The following CWF19L2 variants were observed in gnomAD, a reference collection of about 807,000 sequenced individuals.
The protein encoded by CWF19L2 is CWF19 like cell cycle control factor 2.
Under a neutral mutation model 111.7 loss-of-function variants are expected in CWF19L2, and 98 were observed. The observed-to-expected ratio is 0.88, with a 90% CI of 0.75 to 1.04. CWF19L2 has a LOEUF of 1.04. Among genes scored for constraint, CWF19L2 ranks in the 50% least tolerant of loss-of-function variants. The probability of loss-of-function intolerance (pLI) is 0.00; values close to 1 mark genes in which losing one functional copy is unlikely to be tolerated. For synonymous variants in CWF19L2, 351 were observed against 342.9 expected (o/e 1.02, Z -0.26); for missense variants, 1,101 against 1,051.4 (o/e 1.05, Z -0.65).
chr11:107,386,478 A>C (rs1860768359), intron 12 of CWF19L2, among the ~76,000 whole-genome samples: 1 of 152,174 alleles, frequency 6.6e-6, no homozygotes, highest in Non-Finnish European at 1.5e-5. Context: ...TTATTGGACC[A>C]AGAAAAACCC....
At chr11:107,334,424 T>C (rs1329861760) in intron 16 of CWF19L2, among the ~76,000 whole-genome samples, 1 of 152,230 alleles carries the variant, frequency 6.6e-6, no homozygotes, top group African/African-American at 2.4e-5. Context: ...ACTACTATTT[T>C]ATAGTTTTAT....
Position 107,407,872 on chromosome 11 carries a change from T to C in CWF19L2, c.1617+8337A>G, listed in dbSNP as rs117322030. ...AATTTTTTAACTACCCCAGAAAGCA[T>C]TGAGAATTAAATACATCCTATAGTC... On this transcript the variant is annotated intron_variant, in intron 10 of 17. Coordinates refer to ENST00000282251, the MANE Select transcript of CWF19L2 (RefSeq NM_152434.3). 8.1e-4 allele frequency among the ~76,000 whole-genome samples: 123 copies of C among 152,144 alleles called. 3 individuals are homozygous for C. In the East Asian group the frequency reaches 0.012, roughly 14 times the overall value.
rs557530926 is a variant in CWF19L2 at position 107,403,966 on chromosome 11, G to A, written c.1618-11071C>T. 1.1e-4 allele frequency: 99 copies of A among 882,944 alleles called. 1 individual carries two copies. In the Middle Eastern group the frequency reaches 1.6e-3, roughly 15 times the overall value. 54.7% of individuals were successfully genotyped at this position (882,944 alleles called of 1,614,324 possible). A position where few individuals can be genotyped will look rare whatever the true frequency, so the allele number is the denominator to read the frequency against. On this transcript the variant is annotated intron_variant, in intron 10 of 17. Transcript: ENST00000282251. The stretch of plus-strand genomic sequence containing the variant: ...TAAGGACCTGCATTCTAGCTGTTGC[G>A]ACAACTGACCGAACGTCTGGCACCA...
At chr11:107,373,205 C>A (rs111987027) in intron 12 of CWF19L2, among the ~76,000 whole-genome samples, 38,487 of 127,574 alleles carry the variant, frequency 0.3, 10,281 homozygotes, top group Non-Finnish European at 0.36. Context: ...GGGGCGCCTG[C>A]CATTGCCCAG....
intron 11 of CWF19L2, among the ~76,000 whole-genome samples, chr11:107,392,016 A>T (rs477991): frequency 0.56 from 84,463 of 152,000 alleles, 25,058 homozygotes; most frequent in African/African-American, 0.78. Flanking sequence ...TTTCATATAA[A>T]TCAGACCTTT....
intron 7 of CWF19L2, among the ~76,000 whole-genome samples, chr11:107,429,979 T>C (rs151251172): frequency 9.9e-5 from 15 of 151,990 alleles, no homozygotes; most frequent in African/African-American, 3.6e-4. Context: ...TAAATGTAAG[T>C]TATAAGAAAA....
chr11:107,353,798 G>T, intron 12 of CWF19L2, 62 bp from the exon 13 acceptor site: 1 of 1,222,488 alleles, frequency 8.2e-7, no homozygotes. Flanking sequence ...TTACTGCACT[G>T]TGGTATCCTA....
chr11:107,427,765 A>C (rs1429816683), intron 8 of CWF19L2, among the ~76,000 whole-genome samples: 3 of 152,144 alleles, frequency 2.0e-5, no homozygotes, highest in African/African-American at 7.2e-5. Flanking sequence ...ATGTTTGTTT[A>C]GTCAATACAA....
At position 107,326,819 on chromosome 11, in the gene CWF19L2, C is replaced by T. The variant is rs1859767418; in HGVS notation, c.*91G>A. The stretch of plus-strand genomic sequence containing the variant: ...CAGTCTGCTGCTGTGACTCTCTCTG[C>T]CTGTGACCTGAGGGTCAGTTGCTTC... On this transcript the variant is annotated 3_prime_UTR_variant, in exon 18 of 18. Coordinates refer to ENST00000282251, the MANE Select transcript of CWF19L2 (RefSeq NM_152434.3). 6 of 1,101,190 alleles carry T rather than the reference C, an allele frequency of 5.4e-6. No individual in the cohort carries two copies. Among genetic ancestry groups the T allele is most frequent in the Non-Finnish European group, 7.7e-6 (6 of 774,658 alleles). The allele number at this position is 1,101,190 out of a possible 1,614,324, so 68.2% of individuals were successfully genotyped here. A position where few individuals can be genotyped will look rare whatever the true frequency, so the allele number is the denominator to read the frequency against.
intron 10 of CWF19L2, among the ~76,000 whole-genome samples, chr11:107,399,293 A>T (rs1211691095): frequency 6.6e-6 from 1 of 152,216 alleles, no homozygotes; most frequent in Non-Finnish European, 1.5e-5. Flanking sequence ...ATGGATAAGA[A>T]CTCACCAACC....
intron 12 of CWF19L2, among the ~76,000 whole-genome samples, chr11:107,389,158 T>C (rs1002575324): frequency 1.3e-5 from 2 of 152,256 alleles, no homozygotes; most frequent in African/African-American, 4.8e-5. Flanking sequence ...CAGTGAAAGG[T>C]CTCCCCATCC....
At chr11:107,428,059 T>A (rs1861405183) in intron 8 of CWF19L2, among the ~76,000 whole-genome samples, 1 of 152,156 alleles carries the variant, frequency 6.6e-6, no homozygotes, top group Admixed American at 6.6e-5. Context: ...TTTTTAAACA[T>A]ATTTTAATGA....
intron 14 of CWF19L2, chr11:107,348,638 G>C: frequency 5.9e-6 from 1 of 170,032 alleles, no homozygotes; most frequent in East Asian, 1.5e-4. Context: ...TGGTAAGAAT[G>C]ATTCTTTCAT....
intron 2 of CWF19L2, 86 bp downstream of exon 2, chr11:107,455,580 C>G: frequency 1.4e-6 from 1 of 731,930 alleles, no homozygotes; most frequent in Non-Finnish European, 2.2e-6. Context: ...TGAAAACATT[C>G]TATAAAATTA....
At chr11:107,393,299 G>C (rs1275188849) in intron 10 of CWF19L2, among the ~76,000 whole-genome samples, 1 of 152,062 alleles carries the variant, frequency 6.6e-6, no homozygotes, top group African/African-American at 2.4e-5. Context: ...TGCTAAATTA[G>C]CAAATATAAT....
chr11:107,411,048 A>C (rs1861149320), intron 10 of CWF19L2, among the ~76,000 whole-genome samples: 1 of 151,100 alleles, frequency 6.6e-6, no homozygotes, highest in Non-Finnish European at 1.5e-5. Context: ...GCTTAGGTCT[A>C]TGCTTTTATA....
chr11:107,400,024 C>T (rs530910552), intron 10 of CWF19L2, among the ~76,000 whole-genome samples: 2 of 152,130 alleles, frequency 1.3e-5, no homozygotes, highest in South Asian at 2.1e-4. Context: ...AACTGAAAGA[C>T]GGTAATGACA....
rs142226727 is a variant in CWF19L2, at chr11:107,368,961, G to A, written c.1873-15225C>T. Among the ~76,000 whole-genome samples, 810 of 137,170 alleles carry A rather than the reference G, an allele frequency of 5.9e-3. 199 individuals carry two copies. The highest frequency in any genetic ancestry group is 0.022 in the African/African-American group (756 of 34,266). The allele number at this position is 137,170 out of a possible 152,430, so 90.0% of individuals were successfully genotyped here. ...CACAGAAATACAAAAGAGCATCAGAGACTATGATGATCAACTATATGCTCA... is the reference window on the plus strand; with the variant it reads ...CACAGAAATACAAAAGAGCATCAGAAACTATGATGATCAACTATATGCTCA... On this transcript the variant is annotated intron_variant, in intron 12 of 17. Transcript: ENST00000282251.
rs746625791 is a variant in CWF19L2 at position 107,327,018 on chromosome 11, T to A, written c.2577A>T (p.Arg859Ser). The change falls in exon 18 of 18, where the codon AGA (arginine) becomes AGT (serine). Residue 859 changes from arginine (R) to serine (S), a missense_variant. Physicochemically the swap from Arg to Ser is moderately radical, Grantham distance 110. Coordinates refer to ENST00000282251, the MANE Select transcript of CWF19L2 (RefSeq NM_152434.3). ...TTTCTCGGATGCCTTTCCTCCAAAG[T>A]CTTGGTTCTATATCCAGCATCCCAC... ...IIGGMLDIEP[R>S]LWRKGIRESF... 6.2e-7 allele frequency: 1 copy of A among 1,611,414 alleles called. No individual in the cohort carries two copies. Among genetic ancestry groups the A allele is most frequent in the South Asian group, 1.1e-5 (1 of 90,658 alleles).
Sources: gnomAD v4.1 joint callset for allele counts (sites outside exome capture counted in the v4.1 genomes callset) on GRCh38, gnomAD v4.1.1 for gene constraint, MANE v1.5 for transcripts, NCBI Gene and HGNC (gene_info 2026-07-23, HGNC 2026-07-21) for gene names.